Variants in AVL9 observed in about 807,000 individuals in gnomAD.
AVL9 encodes the protein late secretory pathway protein AVL9 homolog.
In AVL9, 49 loss-of-function variants were observed where a neutral mutation model predicts 79.2. The observed-to-expected ratio is 0.62, with a 90% CI of 0.49 to 0.79. The LOEUF (loss-of-function observed/expected upper bound fraction) is 0.79, where lower values mean the gene tolerates loss of function less well. AVL9 is among the 30% of genes least tolerant of loss of function. AVL9 has a pLI of 0.00. For missense variants in AVL9, 682 were observed against 776.8 expected (o/e 0.88, Z 1.45); for synonymous variants, 299 against 280.6 (o/e 1.07, Z -0.65).
rs536016653 is a variant in AVL9, at chr7:32,538,306, G to A, written c.94-4835G>A. ...AGATTTCCTTCAGAAGTTAAGAACT[G>A]CTTGTGATTGTCTTATTTATTTATT... On this transcript the variant is annotated intron_variant, in intron 1 of 15. Transcript: ENST00000318709. The A allele has an allele frequency of 2.0e-5, 3 of 152,298 alleles. No homozygotes were observed. The East Asian group carries it at 5.8e-4, about 29-fold the overall frequency. The allele number at this position is 152,298 out of a possible 1,614,324, so 9.4% of individuals were successfully genotyped here. A position where few individuals can be genotyped will look rare whatever the true frequency, so the allele number is the denominator to read the frequency against.
intron 11 of AVL9, 63 bp from the exon 12 acceptor site, chr7:32,573,136 A>C (rs1051282180): frequency 7.7e-7 from 1 of 1,307,164 alleles, no homozygotes; most frequent in African/African-American, 1.5e-5. Flanking sequence ...GTTACTCTGT[A>C]AAGTGTGGCA....
intron 7 of AVL9, among the ~76,000 whole-genome samples, chr7:32,554,332 C>T (rs1184214149): frequency 6.6e-6 from 1 of 152,092 alleles, no homozygotes; most frequent in Non-Finnish European, 1.5e-5. Context: ...AAAAATGGTA[C>T]CACCCCTTCA....
At chr7:32,550,052 T>G (rs1425309574) in intron 4 of AVL9, among the ~76,000 whole-genome samples, 1 of 152,116 alleles carries the variant, frequency 6.6e-6, no homozygotes, top group East Asian at 1.9e-4. Flanking sequence ...AAAATATACA[T>G]GAGTGAATAG....
intron 1 of AVL9, among the ~76,000 whole-genome samples, chr7:32,540,455 T>C (rs950367973): frequency 1.2e-4 from 18 of 152,128 alleles, no homozygotes; most frequent in Admixed American, 3.9e-4. Context: ...ATAGGGTGAA[T>C]ATAGAAGTAG....
intron 1 of AVL9, among the ~76,000 whole-genome samples, chr7:32,539,549 C>T (rs1043673859): frequency 6.6e-6 from 1 of 152,150 alleles, no homozygotes; most frequent in Non-Finnish European, 1.5e-5. Context: ...TGGCTTTATC[C>T]AGCCTTTATT....
Position 32,570,136 on chromosome 7 carries a change from C to T in AVL9, c.1332C>T (p.Leu444=). 6.2e-7 allele frequency: 1 copy of T among 1,614,190 alleles called. No homozygotes were observed. Residue 444 remains leucine, a synonymous_variant, in exon 11 of 16, where the codon CTC becomes CTT. Transcript: ENST00000318709. ...TNILFRQQKH[L]SDAIVEVEEA... ...TCCTTTTTCGACAACAGAAACACCT[C>T]AGTGATGCCATTGTGGAAGTACGTT... is the stretch of plus-strand genomic sequence containing the variant.
intron 3 of AVL9, among the ~76,000 whole-genome samples, chr7:32,545,141 T>A (rs556812018): frequency 1.1e-4 from 16 of 152,166 alleles, no homozygotes; most frequent in African/African-American, 3.1e-4. Flanking sequence ...TGTTTTTTAG[T>A]TTTTTTATTT....
intron 3 of AVL9, among the ~76,000 whole-genome samples, chr7:32,547,744 C>T (rs769548598): frequency 3.3e-5 from 5 of 152,156 alleles, no homozygotes; most frequent in Non-Finnish European, 5.9e-5. Flanking sequence ...CAACTCCTTT[C>T]GAATGAAGAT....
intron 4 of AVL9, among the ~76,000 whole-genome samples, 159 bp downstream of exon 4, chr7:32,549,077 T>G (rs1223950843): frequency 6.6e-6 from 1 of 152,030 alleles, no homozygotes; most frequent in Non-Finnish European, 1.5e-5. Flanking sequence ...CAGTTTTCAT[T>G]TGCACCTCTA....
chr7:32,573,574 A>C (rs1375898376), intron 12 of AVL9, among the ~76,000 whole-genome samples, 156 bp downstream of exon 12: 1 of 152,216 alleles, frequency 6.6e-6, no homozygotes, highest in African/African-American at 2.4e-5. Context: ...TAACGTCTTT[A>C]GTACTTTATA....
chr7:32,522,769 G>A lies in AVL9; in HGVS notation c.94-20372G>A, dbSNP rs575703597. Among the ~76,000 whole-genome samples the A allele has an allele frequency of 9.2e-5, 14 of 152,196 alleles. No individual in the cohort carries two copies. The South Asian group carries it at 2.9e-3, about 32-fold the overall frequency. ...TGTGTCCTCACCCAAATCTCAACTC[G>A]AATTATATCTCCCAGAATTCACATG... On this transcript the variant is annotated intron_variant, in intron 1 of 15. Coordinates refer to ENST00000318709, the MANE Select transcript of AVL9 (RefSeq NM_015060.3).
intron 1 of AVL9, among the ~76,000 whole-genome samples, chr7:32,501,278 A>G (rs1787116840): frequency 6.6e-6 from 1 of 152,232 alleles, no homozygotes; most frequent in African/African-American, 2.4e-5. Flanking sequence ...TGTGGTGACA[A>G]TAATGAAACA....
At chr7:32,566,461 G>A (rs76967012) in intron 10 of AVL9, among the ~76,000 whole-genome samples, 150,982 of 150,982 alleles carry the variant, frequency 1, 75,491 homozygotes, top group Non-Finnish European at 1. Context: ...GAGCCACCAT[G>A]CCCAGCCAAA....
intron 1 of AVL9, among the ~76,000 whole-genome samples, chr7:32,530,673 C>T (rs550286346): frequency 6.6e-6 from 1 of 152,316 alleles, no homozygotes; most frequent in Non-Finnish European, 1.5e-5. Context: ...TTTGGCCAGG[C>T]ACGGTGGCTC....
chr7:32,568,897 T>C (rs1706094636), intron 10 of AVL9, among the ~76,000 whole-genome samples: 1 of 152,212 alleles, frequency 6.6e-6, no homozygotes, highest in South Asian at 2.1e-4. Flanking sequence ...TTTTTGCTGC[T>C]TCTGTTAGGG....
At chr7:32,539,768 G>A (rs1039688955) in intron 1 of AVL9, among the ~76,000 whole-genome samples, 1 of 152,118 alleles carries the variant, frequency 6.6e-6, no homozygotes, top group Non-Finnish European at 1.5e-5. Context: ...TGTTGGCTGG[G>A]CTCCATTTCT....
rs34445936 is a variant in AVL9 at position 32,529,444 on chromosome 7, CT to C, written c.94-13696del. Among the ~76,000 whole-genome samples, 997 of 152,330 alleles carry C rather than the reference CT, an allele frequency of 6.5e-3. 13 individuals carry two copies. The highest frequency in any genetic ancestry group is 0.023 in the African/African-American group (945 of 41,580). ...GGCACCTAGAATAAGTGACTCCATTCTGGTTTGGTCTGGTTTATTAGTCCTA... is the reference window on the plus strand; with the variant it reads ...GGCACCTAGAATAAGTGACTCCATTCGGTTTGGTCTGGTTTATTAGTCCTA... On this transcript the variant is annotated intron_variant, in intron 1 of 15. Coordinates refer to ENST00000318709, the MANE Select transcript of AVL9 (RefSeq NM_015060.3).
intron 14 of AVL9, 30 bp downstream of exon 14, chr7:32,580,302 T>C: frequency 6.4e-7 from 1 of 1,554,542 alleles, no homozygotes; most frequent in Non-Finnish European, 8.8e-7. Context: ...ACTGGGAAAA[T>C]TCTTAAGTCT....
intron 10 of AVL9, among the ~76,000 whole-genome samples, chr7:32,561,548 T>G (rs1790333692): frequency 6.6e-6 from 1 of 152,254 alleles, no homozygotes; most frequent in African/African-American, 2.4e-5. Flanking sequence ...TCTGTTTGGT[T>G]TGATCTTCTA....
Sources: allele counts gnomAD v4.1 joint callset (sites outside exome capture counted in the v4.1 genomes callset), GRCh38; gene constraint gnomAD v4.1.1; transcripts MANE v1.5; gene names NCBI Gene and HGNC (gene_info 2026-07-23, HGNC 2026-07-21).